NIN: variants seen among roughly 807,000 people sequenced by gnomAD.
NIN encodes glycogen synthase kinase 3 beta-interacting protein.
A neutral mutation model predicts 257.6 loss-of-function variants in NIN; 137 were observed. The observed-to-expected ratio is 0.53, with a 90% CI of 0.46 to 0.61. The LOEUF is 0.61. Ranked by LOEUF, NIN falls within the 20% of genes least tolerant of loss-of-function variation. NIN has a pLI of 0.00. For missense variants in NIN, 2,439 were observed against 2,501.2 expected (o/e 0.98, Z 0.53); for synonymous variants, 918 against 919.8 (o/e 1.00, Z 0.04).
At chr14:50,750,745 T>C (rs957268893) in intron 21 of NIN, among the ~76,000 whole-genome samples, 2 of 152,230 alleles carry the variant, frequency 1.3e-5, no homozygotes, top group Non-Finnish European at 2.9e-5. Context: ...ACCATATTGA[T>C]TAGTTTTACT....
chr14:50,746,397 T>C (rs2041541030), intron 22 of NIN, among the ~76,000 whole-genome samples: 1 of 152,226 alleles, frequency 6.6e-6, no homozygotes, highest in African/African-American at 2.4e-5. Flanking sequence ...AGTAGTTAAC[T>C]TGAAAAGGTT....
intron 4 of NIN, among the ~76,000 whole-genome samples, chr14:50,799,776 C>A (rs1020647065): frequency 1.1e-4 from 16 of 152,160 alleles, no homozygotes; most frequent in Non-Finnish European, 8.8e-5. Flanking sequence ...GAGTTTGAGA[C>A]CAGCCTGGCT....
intron 23 of NIN, 28 bp downstream of exon 23, chr14:50,744,215 G>C (rs758902357): frequency 6.2e-7 from 1 of 1,610,610 alleles, no homozygotes; most frequent in Non-Finnish European, 8.5e-7. Context: ...TGTATACGAT[G>C]ATGGTAAAGT....
chr14:50,791,807 G>GCACACACAAACACACA (rs57083345), intron 5 of NIN, among the ~76,000 whole-genome samples: 25,035 of 116,456 alleles, frequency 0.21, 2,543 homozygotes, highest in East Asian at 0.3. Flanking sequence ...AGGTGCACGC[G>GCACACACAAACACACA]CACACACACA....
intron 3 of NIN, among the ~76,000 whole-genome samples, chr14:50,815,227 C>T (rs1250789891): frequency 1.3e-5 from 2 of 152,120 alleles, no homozygotes; most frequent in African/African-American, 4.8e-5. Context: ...AAAAAGTGGG[C>T]AAAGGACATG....
rs756313226 is a variant in NIN, at chr14:50,752,705, T to A, written c.4763A>T (p.Gln1588Leu). 6.9e-6 allele frequency: 11 copies of A among 1,598,902 alleles called. No homozygotes were observed. The African/African-American group carries it at 1.3e-4, about 20-fold the overall frequency. Residue 1588 changes from glutamine (Q) to leucine (L), a missense_variant, in exon 21 of 31, where the codon CAA becomes CTA. By Grantham distance (113) the Gln-to-Leu change is moderately radical. This residue lies in a region of NIN where 2,043 missense variants were observed against 2,050.2 expected (regional missense o/e 1.00). Coordinates refer to ENST00000530997, the MANE Select transcript of NIN (RefSeq NM_020921.4). ...AAGTTCTGTATTTTCCAAATCCAAT[T>A]GTTGGTTTTTGATTTTTAATTCTGA... is the stretch of plus-strand genomic sequence containing the variant. Reference protein sequence around the residue: ...QISELKIKNQQLDLENTELSQ... With the variant: ...QISELKIKNQLLDLENTELSQ...
intron 5 of NIN, 58 bp from the exon 6 acceptor site, chr14:50,778,862 T>C (rs2043020654): frequency 1.3e-6 from 2 of 1,548,602 alleles, no homozygotes; most frequent in South Asian, 2.2e-5. Flanking sequence ...AGAACTATCC[T>C]AGCTTTTCCT....
In NIN at chr14:50,821,934, G is replaced by T; in HGVS notation, c.123C>A (p.Ser41Arg). Residue 41 changes from serine to arginine, a missense_variant, in exon 3 of 31, where the codon AGC becomes AGA. By Grantham distance (110) the Ser-to-Arg change is moderately radical. Around this residue, in one of 3 missense-constraint regions of NIN, gnomAD observed 387 missense variants for 427.3 expected, o/e 0.91. Transcript: ENST00000530997. Reference sequence around the variant, plus strand: ...GCAGCACTGGGGCCACCTCCTCCAAGCTCAACATGTGGCAAAGGTCGGTGA... The same window carrying T: ...GCAGCACTGGGGCCACCTCCTCCAATCTCAACATGTGGCAAAGGTCGGTGA... Reference protein sequence around the residue: ...EELTDLCHMLSLEEVAPVLQQ... With the variant: ...EELTDLCHMLRLEEVAPVLQQ... 6.2e-7 allele frequency: 1 copy of T among 1,614,140 alleles called. No homozygotes were observed. Among genetic ancestry groups the T allele is most frequent in the Non-Finnish European group, 8.5e-7 (1 of 1,180,010 alleles).
chr14:50,774,762 A>C (rs778904869), intron 7 of NIN, among the ~76,000 whole-genome samples: 3 of 152,210 alleles, frequency 2.0e-5, no homozygotes, highest in Non-Finnish European at 4.4e-5. Flanking sequence ...CAGACTGCCT[A>C]AAGACCTCGC....
chr14:50,747,969 C>G lies in NIN; in HGVS notation c.5064+23G>C, dbSNP rs750745823. 2.7e-6 allele frequency: 4 copies of G among 1,497,412 alleles called. No individual in the cohort carries two copies. In the South Asian group the frequency reaches 4.5e-5, roughly 17 times the overall value. The allele number at this position is 1,497,412 out of a possible 1,614,324, so 92.8% of individuals were successfully genotyped here. A position where few individuals can be genotyped will look rare whatever the true frequency, so the allele number is the denominator to read the frequency against. ...CAGGTACATATTGTTCTGTGAACCC[C>G]CCTTAGCTGCACACAGCCTTACCTG... On this transcript the variant is annotated intron_variant, in intron 22 of 30. Coordinates refer to ENST00000530997, the MANE Select transcript of NIN (RefSeq NM_020921.4).
chr14:50,809,808 C>T (rs1001557429), intron 3 of NIN, among the ~76,000 whole-genome samples: 1 of 152,190 alleles, frequency 6.6e-6, no homozygotes, highest in African/African-American at 2.4e-5. Context: ...ATGACAAACA[C>T]ACAAGCTTTT....
chr14:50,727,196 CAA>C (rs1367337749), intron 29 of NIN: 2 of 872,620 alleles, frequency 2.3e-6, no homozygotes, highest in Admixed American at 6.1e-5. Flanking sequence ...ATAGAGTTGG[CAA>C]AAGAGTGGAA....
chr14:50,763,507 T>C (rs1566820630), intron 15 of NIN, among the ~76,000 whole-genome samples: 1 of 152,202 alleles, frequency 6.6e-6, no homozygotes. Context: ...GTCTGAATTC[T>C]AACACTCCCA....
At position 50,756,535 on chromosome 14, in the gene NIN, G is replaced by C; in HGVS notation, c.4495C>G (p.Gln1499Glu). 1.9e-6 allele frequency: 3 copies of C among 1,612,230 alleles called. No individual in the cohort carries two copies. The highest frequency in any genetic ancestry group is 1.7e-6 in the Non-Finnish European group (2 of 1,179,406). The change falls in exon 18 of 31, where the codon CAG becomes GAG. Residue 1499 changes from glutamine to glutamate, a missense_variant. Physicochemically the swap from Gln to Glu is conservative, Grantham distance 29. Transcript: ENST00000530997. Reference protein sequence around the residue: ...EELKAMMHDLQITCSEMQQKV... With the variant: ...EELKAMMHDLEITCSEMQQKV... ...TGCTGCATCTCACTGCACGTGATCT[G>C]CAAGTCATGCATCATTGCCTTCAGC...
chr14:50,773,163 G>A (rs2042798180), intron 7 of NIN, 68 bp from the exon 8 acceptor site: 2 of 1,287,736 alleles, frequency 1.6e-6, no homozygotes, highest in South Asian at 1.3e-5. Flanking sequence ...TATACTTCCG[G>A]CCAGTAGTAA....
chr14:50,740,547 A>C (rs947657741), intron 25 of NIN, among the ~76,000 whole-genome samples: 1 of 151,916 alleles, frequency 6.6e-6, no homozygotes, highest in Non-Finnish European at 1.5e-5. Context: ...ATGGGGTTTC[A>C]ACATGTTGGG....
intron 4 of NIN, among the ~76,000 whole-genome samples, chr14:50,803,971 C>A (rs960342976): frequency 2.4e-4 from 36 of 151,010 alleles, no homozygotes; most frequent in Non-Finnish European, 1.0e-4. Flanking sequence ...ATCTTGGCTA[C>A]TGCAACCTCC....
At position 50,721,088 on chromosome 14, in the gene NIN, A is replaced by G. The variant is rs1195546182; in HGVS notation, c.*2375T>C. The G allele has an allele frequency of 5.1e-6, 1 of 196,158 alleles. No individual in the cohort carries two copies. Among genetic ancestry groups the G allele is most frequent in the Non-Finnish European group, 1.1e-5 (1 of 94,424 alleles). The allele number at this position is 196,158 out of a possible 1,614,324, so 12.2% of individuals were successfully genotyped here. Reference sequence around the variant, plus strand: ...TTATAAATTGCCAACTAAATTATAAATTGCCACTCACCTTCTCAAAAATTG... The same window carrying G: ...TTATAAATTGCCAACTAAATTATAAGTTGCCACTCACCTTCTCAAAAATTG... On this transcript the variant is annotated 3_prime_UTR_variant, in exon 31 of 31. Coordinates refer to ENST00000530997, the MANE Select transcript of NIN (RefSeq NM_020921.4).
chr14:50,742,563 T>G (rs2041341370), intron 24 of NIN, among the ~76,000 whole-genome samples: 3 of 151,832 alleles, frequency 2.0e-5, no homozygotes. Flanking sequence ...TCGGCTAATT[T>G]TTTTGTATTT....
Sources: gnomAD v4.1 joint callset for allele counts (sites outside exome capture counted in the v4.1 genomes callset) on GRCh38, gnomAD v4.1.1 for gene constraint, gnomAD v4.1.1 regional missense constraint, MANE v1.5 for transcripts, NCBI Gene and HGNC (gene_info 2026-07-23, HGNC 2026-07-21) for gene names.